The following CADM2 variants were observed in gnomAD, a reference collection of about 807,000 sequenced individuals.
CADM2 encodes the protein immunoglobulin superfamily member 4D.
CADM2 carries 12 observed loss-of-function variants against 49.8 expected under a neutral mutation model. The observed-to-expected ratio is 0.24, with a 90% CI of 0.15 to 0.39. The LOEUF (loss-of-function observed/expected upper bound fraction) is 0.39, where lower values mean the gene tolerates loss of function less well. Ranked by LOEUF, CADM2 falls within the 10% of genes least tolerant of loss-of-function variation. CADM2 has a pLI of 1.00. For missense variants in CADM2, 378 were observed against 492.3 expected, an observed-to-expected ratio of 0.77 and a Z score of 2.20; for synonymous variants, 214 against 175.4, an observed-to-expected ratio of 1.22 and a Z score of -1.74.
At chr3:85,648,201 C>G (rs1018333694) in intron 1 of CADM2, among the ~76,000 whole-genome samples, 1 of 151,822 alleles carries the variant, frequency 6.6e-6, no homozygotes, top group African/African-American at 2.4e-5. Flanking sequence ...ATTGATATGA[C>G]ACACTTTTTT....
chr3:85,376,721 T>C (rs1362631420), intron 1 of CADM2, among the ~76,000 whole-genome samples: 1 of 152,062 alleles, frequency 6.6e-6, no homozygotes, highest in Non-Finnish European at 1.5e-5. Flanking sequence ...TATCCCATTT[T>C]AAATATCAAA....
At chr3:85,396,413 G>T (rs2034793443) in intron 1 of CADM2, among the ~76,000 whole-genome samples, 1 of 151,812 alleles carries the variant, frequency 6.6e-6, no homozygotes, top group Non-Finnish European at 1.5e-5. Flanking sequence ...TATTTCCTAT[G>T]AGACTGGCAA....
intron 6 of CADM2, among the ~76,000 whole-genome samples, chr3:85,932,825 A>T (rs906734599): frequency 6.6e-6 from 1 of 152,202 alleles, no homozygotes; most frequent in Non-Finnish European, 1.5e-5. Flanking sequence ...CAAATAAATG[A>T]ATACTGTCTT....
chr3:85,747,271 C>T (rs761831895), intron 2 of CADM2, among the ~76,000 whole-genome samples: 5 of 151,878 alleles, frequency 3.3e-5, no homozygotes, highest in East Asian at 1.9e-4. Context: ...TTCCATCTTA[C>T]GAGATGGAAA....
chr3:85,638,635 T>G (rs9880272), intron 1 of CADM2, among the ~76,000 whole-genome samples: 26,741 of 152,042 alleles, frequency 0.18, 2,954 homozygotes, highest in Non-Finnish European at 0.24. Context: ...ACTAAGGTTA[T>G]TTTTTTAAAT....
In CADM2 at chr3:85,488,823, C is replaced by T. The variant is rs180678849; in HGVS notation, c.62-237699C>T. 4.9e-4 allele frequency among the ~76,000 whole-genome samples: 75 copies of T among 152,248 alleles called. 1 individual carries two copies. Among genetic ancestry groups the T allele is most frequent in the African/African-American group, 1.6e-3 (68 of 41,562 alleles). ...GGATTACAGGCGTGAGCCACCGTGC[C>T]TGGCCTATTTATTCTATTTCTTTAC... On this transcript the variant is annotated intron_variant, in intron 1 of 9. Coordinates refer to ENST00000383699, the MANE Select transcript of CADM2 (RefSeq NM_001167675.2).
Position 85,822,898 on chromosome 3 carries a change from A to C in CADM2, c.238+20702A>C, listed in dbSNP as rs80044190. On this transcript the variant is annotated intron_variant, in intron 3 of 9. Transcript: ENST00000383699. ...GATTATTGTACTTAATTTATGAACC[A>C]TGTCATAAATAATTGTAGAAACTCT... is the stretch of plus-strand genomic sequence containing the variant. Among the ~76,000 whole-genome samples, 21 of 152,284 alleles carry C rather than the reference A, an allele frequency of 1.4e-4. No homozygotes were observed. In the East Asian group the frequency reaches 4.1e-3, roughly 29 times the overall value.
Position 86,046,374 on chromosome 3 carries a change from G to A in CADM2, c.971-19231G>A, listed in dbSNP as rs1034565750. On this transcript the variant is annotated intron_variant, in intron 8 of 9. Coordinates refer to ENST00000383699, the MANE Select transcript of CADM2 (RefSeq NM_001167675.2). ...TTAAGTGATTTGGATCTTAAAAGTT[G>A]ATAATCTACCATATTTTTCTTCTCA... Among the ~76,000 whole-genome samples the A allele has an allele frequency of 2.3e-4, 35 of 152,190 alleles. 1 individual carries two copies. The highest frequency in any genetic ancestry group is 7.7e-4 in the African/African-American group (32 of 41,534).
intron 2 of CADM2, among the ~76,000 whole-genome samples, chr3:85,736,545 C>T (rs1423394316): frequency 6.6e-6 from 1 of 152,114 alleles, no homozygotes; most frequent in Non-Finnish European, 1.5e-5. Flanking sequence ...TTCTGGAGAA[C>T]ATCAAAGGGA....
At chr3:86,010,239 A>G (rs1483953695) in intron 8 of CADM2, among the ~76,000 whole-genome samples, 1 of 152,024 alleles carries the variant, frequency 6.6e-6, no homozygotes, top group Non-Finnish European at 1.5e-5. Context: ...CTGAAGAATA[A>G]CAAAAATAAA....
intron 1 of CADM2, among the ~76,000 whole-genome samples, chr3:85,480,440 C>T (rs1309722996): frequency 1.3e-5 from 2 of 151,830 alleles, no homozygotes; most frequent in African/African-American, 2.4e-5. Context: ...CCATGTGCCT[C>T]ACATAAGTGC....
At chr3:85,430,128 G>A (rs1160062760) in intron 1 of CADM2, among the ~76,000 whole-genome samples, 3 of 152,108 alleles carry the variant, frequency 2.0e-5, no homozygotes, top group Non-Finnish European at 4.4e-5. Flanking sequence ...AAGACAAAGA[G>A]AACATTATGA....
chr3:85,076,788 A>C (rs924586218), intron 1 of CADM2, among the ~76,000 whole-genome samples: 5 of 152,004 alleles, frequency 3.3e-5, no homozygotes, highest in African/African-American at 4.8e-5. Flanking sequence ...CCTGACCAAC[A>C]TGGTTAAACT....
At chr3:84,981,656 C>T (rs538921791) in intron 1 of CADM2, among the ~76,000 whole-genome samples, 2 of 152,074 alleles carry the variant, frequency 1.3e-5, no homozygotes, top group South Asian at 2.1e-4. Flanking sequence ...CTGTCCTTCC[C>T]TTCTTTCCTT....
At chr3:85,329,500 G>T (rs1315919604) in intron 1 of CADM2, among the ~76,000 whole-genome samples, 3 of 152,004 alleles carry the variant, frequency 2.0e-5, no homozygotes, top group African/African-American at 7.2e-5. Flanking sequence ...AACCCAGGGG[G>T]CGGAGGTTGC....
intron 1 of CADM2, among the ~76,000 whole-genome samples, chr3:85,508,285 C>G (rs550323851): frequency 1.3e-5 from 2 of 152,110 alleles, no homozygotes; most frequent in East Asian, 1.9e-4. Flanking sequence ...CATTTCCCCC[C>G]CAAAATAACC....
At position 86,067,410 on chromosome 3, in the gene CADM2, C is replaced by T. The variant is rs1229195801; in HGVS notation, c.*627C>T. The T allele has an allele frequency of 6.6e-6, 1 of 152,428 alleles. No homozygotes were observed. Among genetic ancestry groups the T allele is most frequent in the Non-Finnish European group, 1.5e-5 (1 of 67,972 alleles). 9.4% of individuals were successfully genotyped at this position (152,428 alleles called of 1,614,324 possible). On this transcript the variant is annotated 3_prime_UTR_variant, in exon 10 of 10. Coordinates refer to ENST00000383699, the MANE Select transcript of CADM2 (RefSeq NM_001167675.2). ...TGCTATTGAAATATAGTATTTGATACAGGAGCCATGTGTACGAATTGCAAT... is the reference window on the plus strand; with the variant it reads ...TGCTATTGAAATATAGTATTTGATATAGGAGCCATGTGTACGAATTGCAAT...
intron 1 of CADM2, among the ~76,000 whole-genome samples, chr3:85,657,094 T>A (rs914346808): frequency 2.6e-5 from 4 of 152,208 alleles, no homozygotes; most frequent in African/African-American, 7.2e-5. Flanking sequence ...TCAAGCCATC[T>A]CCTCTACGAG....
rs542202661 is a variant in CADM2, at chr3:85,909,534, T to C, written c.530-2839T>C. 4.1e-4 allele frequency among the ~76,000 whole-genome samples: 62 copies of C among 152,174 alleles called. No homozygotes were observed. The South Asian group carries it at 8.7e-3, about 21-fold the overall frequency. On this transcript the variant is annotated intron_variant, in intron 5 of 9. Coordinates refer to ENST00000383699, the MANE Select transcript of CADM2 (RefSeq NM_001167675.2). ...TTCCCACTCCATCTTTAGTTATGTC[T>C]CCAGTGTCAAATGTTTGCACTGTAC...
Sources: gnomAD v4.1 joint callset for allele counts (sites outside exome capture counted in the v4.1 genomes callset) on GRCh38, gnomAD v4.1.1 for gene constraint, MANE v1.5 for transcripts, NCBI Gene and HGNC (gene_info 2026-07-23, HGNC 2026-07-21) for gene names.